CEMIP: variants seen among roughly 807,000 people sequenced by gnomAD.
CEMIP encodes the protein cell migration inducing hyaluronidase 1, also known as cell migration-inducing and hyaluronan-binding protein.
Under a neutral mutation model 156.9 loss-of-function variants are expected in CEMIP, and 105 were observed. The ratio of observed to expected loss-of-function variants is 0.67; its 90% confidence interval spans 0.57 to 0.79. The LOEUF (loss-of-function observed/expected upper bound fraction) is 0.79. CEMIP is among the 30% of genes least tolerant of loss of function. The pLI is 0.00. For missense variants in CEMIP, 1,457 were observed against 1,769.4 expected (o/e 0.82, Z 3.17); for synonymous variants, 676 against 668.4 (o/e 1.01, Z -0.17).
intron 1 of CEMIP, among the ~76,000 whole-genome samples, chr15:80,808,894 A>G (rs1896586024): frequency 6.6e-6 from 1 of 152,194 alleles, no homozygotes; most frequent in South Asian, 2.1e-4. Context: ...ATTGTCAGTG[A>G]TTTAATTGAT....
At position 80,948,976 on chromosome 15, in the gene CEMIP, G is replaced by A; in HGVS notation, c.*52G>A. 1 of 1,612,230 alleles carries A rather than the reference G, an allele frequency of 6.2e-7. No homozygotes were observed. The highest frequency in any genetic ancestry group is 2.2e-5 in the East Asian group (1 of 44,832). On this transcript the variant is annotated 3_prime_UTR_variant, in exon 30 of 30. Transcript: ENST00000394685. Reference sequence around the variant, plus strand: ...GTGGTAGACTATGACGGTGACTCTTGGCAGCAGACCAGTGGGGGATGGCTG... The same window carrying A: ...GTGGTAGACTATGACGGTGACTCTTAGCAGCAGACCAGTGGGGGATGGCTG...
rs373796097 is a variant in CEMIP at position 80,936,708 on chromosome 15, G to A, written c.3044G>A (p.Arg1015Gln). The change falls in exon 24 of 30, where the codon CGA becomes CAA. Residue 1015 changes from arginine (R) to glutamine (Q), a missense_variant. Transcript: ENST00000394685. ...CAAGCCTACAAGACCAGTAACCTGC[G>A]AATGAAGATCATCAAGAATGACTTC... is the stretch of plus-strand genomic sequence containing the variant. The part of the protein sequence containing the change: ...YIQAYKTSNL[R>Q]MKIIKNDFPS... The A allele has an allele frequency of 2.5e-5, 41 of 1,613,970 alleles. No homozygotes were observed. The highest frequency in any genetic ancestry group is 1.1e-4 in the East Asian group (5 of 44,890).
intron 14 of CEMIP, among the ~76,000 whole-genome samples, chr15:80,915,778 G>A (rs1338646726): frequency 6.6e-6 from 1 of 152,182 alleles, no homozygotes; most frequent in Admixed American, 6.5e-5. Context: ...GTTAGGCAGA[G>A]TAATTTGGTT....
chr15:80,924,682 C>CAG lies in CEMIP; in HGVS notation c.2264_2265insAG (p.Phe756GlyfsTer19), dbSNP rs1900592955. 1.2e-6 allele frequency: 2 copies of CAG among 1,614,046 alleles called. No individual in the cohort carries two copies. Among genetic ancestry groups the CAG allele is most frequent in the African/African-American group, 2.7e-5 (2 of 74,930 alleles). ...GAGGCCTCTGCCAAGGACAAGCGGCCGTTCCTCTCAATCATCTCTGCCAGG... is the reference window on the plus strand; with the variant it reads ...GAGGCCTCTGCCAAGGACAAGCGGCCAGGTTCCTCTCAATCATCTCTGCCAGG... On this transcript the variant is annotated frameshift_variant, in exon 18 of 30. Transcript: ENST00000394685. LOFTEE classifies it high-confidence loss of function.
intron 14 of CEMIP, among the ~76,000 whole-genome samples, chr15:80,919,683 C>T (rs907084498): frequency 4.6e-5 from 7 of 152,042 alleles, no homozygotes; most frequent in East Asian, 1.9e-4. Flanking sequence ...GGTGTGGGGG[C>T]GTGTGCCTAT....
rs756382222 is a variant in CEMIP at position 80,941,933 on chromosome 15, T to G, written c.3492T>G (p.Ile1164Met). ...CSMKGCERIK[I>M]KALIPKNAGV... ...TGAAAGGCTGTGAGAGGATAAAGATTAAAGCTCTGATTCCAAAGAACGCAG... is the reference window on the plus strand; with the variant it reads ...TGAAAGGCTGTGAGAGGATAAAGATGAAAGCTCTGATTCCAAAGAACGCAG... Residue 1164 changes from isoleucine (I) to methionine (M), a missense_variant, in exon 26 of 30, where the codon ATT (isoleucine) becomes ATG (methionine). Ile to Met is a conservative substitution (Grantham distance 10). Transcript: ENST00000394685. 1.4e-5 allele frequency: 23 copies of G among 1,613,826 alleles called. No homozygotes were observed. The highest frequency in any genetic ancestry group is 1.9e-5 in the Non-Finnish European group (23 of 1,179,980).
rs1901668200 is a variant in CEMIP, at chr15:80,948,588, G to A, written c.3959-209G>A. 5 of 654,500 alleles carry A rather than the reference G, an allele frequency of 7.6e-6. 1 individual carries two copies. The South Asian group carries it at 8.6e-5, about 11-fold the overall frequency. 40.5% of individuals were successfully genotyped at this position (654,500 alleles called of 1,614,324 possible). A position where few individuals can be genotyped will look rare whatever the true frequency, so the allele number is the denominator to read the frequency against. ...ATCACCCTGCCTAGGTGGCAGTGAGGCTCAGGTGAGACCCTGCCTGCCCCA... is the reference window on the plus strand; with the variant it reads ...ATCACCCTGCCTAGGTGGCAGTGAGACTCAGGTGAGACCCTGCCTGCCCCA... On this transcript the variant is annotated intron_variant, in intron 29 of 29. Transcript: ENST00000394685.
At chr15:80,799,359 G>A (rs950914835) in intron 1 of CEMIP, among the ~76,000 whole-genome samples, 7 of 152,218 alleles carry the variant, frequency 4.6e-5, no homozygotes, top group South Asian at 2.1e-4. Context: ...CTAGGGCCTC[G>A]TCTGTGTTTC....
chr15:80,806,816 A>T (rs557982765), intron 1 of CEMIP, among the ~76,000 whole-genome samples: 1 of 152,320 alleles, frequency 6.6e-6, no homozygotes, highest in Admixed American at 6.5e-5. Context: ...ACCTCCGTCT[A>T]TTTCTGGGAA....
chr15:80,845,792 T>A (rs1404720706), intron 1 of CEMIP, among the ~76,000 whole-genome samples: 2 of 151,986 alleles, frequency 1.3e-5, no homozygotes, highest in African/African-American at 4.8e-5. Flanking sequence ...CTAGATCGAG[T>A]CATTAGGCGG....
intron 1 of CEMIP, among the ~76,000 whole-genome samples, chr15:80,816,611 A>C (rs907345380): frequency 1.3e-5 from 2 of 152,188 alleles, no homozygotes; most frequent in Non-Finnish European, 2.9e-5. Flanking sequence ...AATCTTTAAA[A>C]GATTGAATCA....
At position 80,942,000 on chromosome 15, in the gene CEMIP, G is replaced by C. The variant is rs764030964; in HGVS notation, c.3559G>C (p.Glu1187Gln). ...CTATAYPKFT[E>Q]RAVVDVPMPK... The stretch of plus-strand genomic sequence containing the variant: ...AGCCACAGCTTACCCCAAGTTCACC[G>C]AGAGGGCTGTCGTAGACGTGCCGAT... Residue 1187 changes from glutamate (E) to glutamine (Q), a missense_variant, in exon 26 of 30, where the codon GAG (glutamate) becomes CAG (glutamine). Coordinates refer to ENST00000394685, the MANE Select transcript of CEMIP (RefSeq NM_001293298.2). 1.9e-6 allele frequency: 3 copies of C among 1,613,844 alleles called. No individual in the cohort carries two copies. In the African/African-American group the frequency reaches 4.0e-5, roughly 22 times the overall value.
At position 80,828,109 on chromosome 15, in the gene CEMIP, T is replaced by A. The variant is rs180804248; in HGVS notation, c.-175-45429T>A. The stretch of plus-strand genomic sequence containing the variant: ...TCTTAAGAATGCAGGCCGGGTGTGG[T>A]GGCTCACGCCTATAATCCTAGCACT... On this transcript the variant is annotated intron_variant, in intron 1 of 29. Transcript: ENST00000394685. Among the ~76,000 whole-genome samples the A allele has an allele frequency of 6.6e-5, 10 of 152,342 alleles. No homozygotes were observed. In the East Asian group the frequency reaches 1.9e-3, roughly 29 times the overall value.
At chr15:80,834,284 GT>G (rs1165806869) in intron 1 of CEMIP, among the ~76,000 whole-genome samples, 1 of 152,222 alleles carries the variant, frequency 6.6e-6, no homozygotes, top group African/African-American at 2.4e-5. Flanking sequence ...TCTTAAAGGT[GT>G]TTTTGATGAA....
chr15:80,822,744 T>C (rs1490178723), intron 1 of CEMIP, among the ~76,000 whole-genome samples: 1 of 152,178 alleles, frequency 6.6e-6, no homozygotes, highest in Non-Finnish European at 1.5e-5. Flanking sequence ...TTTTATTTCC[T>C]CCTCTCATGT....
At chr15:80,903,255 A>C (rs1354066188) in intron 12 of CEMIP, 1 of 152,328 alleles carries the variant, frequency 6.6e-6, no homozygotes, top group East Asian at 1.9e-4. Context: ...ACGTGCTGTA[A>C]GGGATGGTTG....
At chr15:80,852,431 C>T (rs1207782719) in intron 1 of CEMIP, among the ~76,000 whole-genome samples, 1 of 151,830 alleles carries the variant, frequency 6.6e-6, no homozygotes, top group African/African-American at 2.4e-5. Context: ...GATTACTAAC[C>T]AGTAGGAGCA....
At chr15:80,798,506 A>T (rs749571225) in intron 1 of CEMIP, among the ~76,000 whole-genome samples, 65 of 152,200 alleles carry the variant, frequency 4.3e-4, no homozygotes, top group Non-Finnish European at 7.9e-4. Flanking sequence ...AATTGTGTAC[A>T]ACAGTGTTAT....
chr15:80,924,564 C>T (rs1167765870), intron 17 of CEMIP, 57 bp from the exon 18 acceptor site: 17 of 1,460,826 alleles, frequency 1.2e-5, no homozygotes, highest in South Asian at 3.5e-5. Flanking sequence ...GACTGTGAGA[C>T]GATGCCTGTA....
Sources: gnomAD v4.1 joint callset for allele counts (sites outside exome capture counted in the v4.1 genomes callset) on GRCh38, gnomAD v4.1.1 for gene constraint, MANE v1.5 for transcripts, NCBI Gene and HGNC (gene_info 2026-07-23, HGNC 2026-07-21) for gene names.